Variants in CABLES2 observed in about 807,000 individuals in gnomAD.
The protein encoded by CABLES2 is CDK5 and ABL1 enzyme substrate 2.
Under a neutral mutation model 44.8 loss-of-function variants are expected in CABLES2, and 35 were observed. That is an observed-to-expected ratio of 0.78 (90% CI 0.60 to 1.04). CABLES2 has a LOEUF of 1.04. Ranked by LOEUF, CABLES2 falls within the 50% of genes least tolerant of loss-of-function variation. The probability of loss-of-function intolerance (pLI) is 0.00; values close to 1 mark genes in which losing one functional copy is unlikely to be tolerated. For synonymous variants in CABLES2, 282 were observed against 281.1 expected (o/e 1.00, Z -0.03); for missense variants, 566 against 615.7 (o/e 0.92, Z 0.85).
In CABLES2 at chr20:62,391,148, T is replaced by C; in HGVS notation, c.1297-37A>G. 6.2e-7 allele frequency: 1 copy of C among 1,608,802 alleles called. No individual in the cohort carries two copies. The highest frequency in any genetic ancestry group is 8.5e-7 in the Non-Finnish European group (1 of 1,175,712). Reference sequence around the variant, plus strand: ...AAGAGAGAAGGGTTACACGGGAGCCTTCCCTCTTCCACATTTCCCACCCGG... The same window carrying C: ...AAGAGAGAAGGGTTACACGGGAGCCCTCCCTCTTCCACATTTCCCACCCGG... On this transcript the variant is annotated intron_variant, in intron 9 of 9. Transcript: ENST00000279101. This position sits in a 1 kb window ranked among gnomAD's most constrained non-coding sequence, Gnocchi z 5.7.
intron 1 of CABLES2, among the ~76,000 whole-genome samples, chr20:62,406,144 C>T (rs1247463058): frequency 6.6e-6 from 1 of 151,960 alleles, no homozygotes; most frequent in African/African-American, 2.4e-5. Flanking sequence ...GGGCGGGGCT[C>T]AGCAGGGAAG....
In CABLES2 at chr20:62,391,251, C is replaced by G. The variant is rs767993157; in HGVS notation, c.1294G>C (p.Asp432His). Reference protein sequence around the residue: ...LRKSGVTQLIDKLEERFRFNR... With the variant: ...LRKSGVTQLIHKLEERFRFNR... The stretch of plus-strand genomic sequence containing the variant: ...TGCCTGCCGAGCCGGGCACTCACAT[C>G]GATGAGCTGCGTCACGCCGCTCTTG... Residue 432 changes from aspartate (D) to histidine (H), a missense_variant and splice_region_variant, in exon 9 of 10, where the codon GAT becomes CAT. Physicochemically the swap from Asp to His is moderately conservative, Grantham distance 81 (BLOSUM62 -1). This residue lies in a region of CABLES2 where 436 missense variants were observed against 536.3 expected (regional missense o/e 0.81). Coordinates refer to ENST00000279101, the MANE Select transcript of CABLES2 (RefSeq NM_031215.3). This position sits in a 1 kb window ranked among gnomAD's most constrained non-coding sequence, Gnocchi z 5.7. 4 of 1,606,872 alleles carry G rather than the reference C, an allele frequency of 2.5e-6. No homozygotes were observed.
chr20:62,391,136 TAC>T lies in CABLES2; in HGVS notation c.1297-27_1297-26del. The T allele has an allele frequency of 6.2e-7, 1 of 1,611,548 alleles. No homozygotes were observed. Among genetic ancestry groups the T allele is most frequent in the Non-Finnish European group, 8.5e-7 (1 of 1,177,940 alleles). On this transcript the variant is annotated intron_variant, in intron 9 of 9. Coordinates refer to ENST00000279101, the MANE Select transcript of CABLES2 (RefSeq NM_031215.3). This position sits in a 1 kb window ranked among gnomAD's most constrained non-coding sequence, Gnocchi z 5.7. ...TCTGCAGGGGAGAAGAGAGAAGGGT[TAC>T]ACGGGAGCCTTCCCTCTTCCACATT...
In CABLES2 at chr20:62,391,419, A is replaced by G; in HGVS notation, c.1126T>C (p.Cys376Arg). The stretch of plus-strand genomic sequence containing the variant: ...GCCACCGTCACGGGCTCCAGGCTGC[A>G]CTCCTCCGACAGGCTCCGCATCTCC... ...KREMRSLSEE[C>R]SLEPVTVAMA... Residue 376 changes from cysteine to arginine, a missense_variant, in exon 9 of 10, where the codon TGC becomes CGC. This residue lies in a region of CABLES2 where 436 missense variants were observed against 536.3 expected (regional missense o/e 0.81). Transcript: ENST00000279101. The surrounding 1 kb of genome is among the most constrained non-coding windows in gnomAD (Gnocchi z 5.7). 6.2e-7 allele frequency: 1 copy of G among 1,613,026 alleles called. No homozygotes were observed. Among genetic ancestry groups the G allele is most frequent in the Non-Finnish European group, 8.5e-7 (1 of 1,179,964 alleles).
At chr20:62,398,184 GTGATGGTGA>G (rs1333708806) in intron 1 of CABLES2, among the ~76,000 whole-genome samples, 5 of 74,358 alleles carry the variant, frequency 6.7e-5, no homozygotes, top group Admixed American at 2.4e-4. Flanking sequence ...GGTGGTGGTG[GTGATGGTGA>G]TGATGGTGGT....
In CABLES2 at chr20:62,396,531, G is replaced by A. The variant is rs1210543454; in HGVS notation, c.424C>T (p.Pro142Ser). Residue 142 changes from proline (P) to serine (S), a missense_variant, in exon 2 of 10, where the codon CCA becomes TCA. Physicochemically the swap from Pro to Ser is moderately conservative, Grantham distance 74. Coordinates refer to ENST00000279101, the MANE Select transcript of CABLES2 (RefSeq NM_031215.3). This position sits in a 1 kb window ranked among gnomAD's most constrained non-coding sequence, Gnocchi z 5.7. ...GACGGGGGCGTGTACCTCTGTGCTG[G>A]AGCGCATCCCACGGCATCTTCCAGA... is the stretch of plus-strand genomic sequence containing the variant. ...EFLEDAVGCA[P>S]AQRTKHTSGS... 3 of 1,613,856 alleles carry A rather than the reference G, an allele frequency of 1.9e-6. No homozygotes were observed. The highest frequency in any genetic ancestry group is 2.5e-6 in the Non-Finnish European group (3 of 1,179,964).
chr20:62,397,618 G>A (rs936015052), intron 1 of CABLES2, among the ~76,000 whole-genome samples: 1 of 152,204 alleles, frequency 6.6e-6, no homozygotes, highest in Admixed American at 6.5e-5. Context: ...AACTCCAAGT[G>A]CAGAGCTGGG....
At chr20:62,406,894 C>G (rs1476136002) in intron 1 of CABLES2, 21 bp downstream of exon 1, 3 of 1,197,194 alleles carry the variant, frequency 2.5e-6, no homozygotes, top group Non-Finnish European at 3.1e-6. Flanking sequence ...CCTGGGCTGA[C>G]CTGGCCGGGC....
chr20:62,392,624 G>T, intron 7 of CABLES2, 129 bp from the exon 8 acceptor site: 1 of 713,654 alleles, frequency 1.4e-6, no homozygotes, highest in Non-Finnish European at 2.5e-6. Context: ...GAGAGGCCCC[G>T]AATCTCTGAG....
rs767500636 is a variant in CABLES2, at chr20:62,396,856, T to C, written c.363-264A>G. ...GGGGACAGGCTCCTCAGGCATAGGA[T>C]AGCACAGCACAGCACAGCACGCCAA... On this transcript the variant is annotated intron_variant, in intron 1 of 9. Coordinates refer to ENST00000279101, the MANE Select transcript of CABLES2 (RefSeq NM_031215.3). The surrounding 1 kb of genome is among the most constrained non-coding windows in gnomAD (Gnocchi z 5.7). 2.5e-4 allele frequency among the ~76,000 whole-genome samples: 38 copies of C among 152,026 alleles called. No individual in the cohort carries two copies. Among genetic ancestry groups the C allele is most frequent in the Admixed American group, 5.9e-4 (9 of 15,280 alleles).
Position 62,391,127 on chromosome 20 carries a change from GA to G in CABLES2, c.1297-17del. The G allele has an allele frequency of 1.2e-6, 2 of 1,613,660 alleles. No homozygotes were observed. The highest frequency in any genetic ancestry group is 2.2e-5 in the South Asian group (2 of 91,090). On this transcript the variant is annotated splice_polypyrimidine_tract_variant and intron_variant, in intron 9 of 9. Coordinates refer to ENST00000279101, the MANE Select transcript of CABLES2 (RefSeq NM_031215.3). The surrounding 1 kb of genome is among the most constrained non-coding windows in gnomAD (Gnocchi z 5.7). ...CTTCTAACTTCTGCAGGGGAGAAGA[GA>G]GAAGGGTTACACGGGAGCCTTCCCT...
chr20:62,401,877 A>C (rs1338638597), intron 1 of CABLES2, among the ~76,000 whole-genome samples: 1 of 152,230 alleles, frequency 6.6e-6, no homozygotes, highest in Non-Finnish European at 1.5e-5. Flanking sequence ...TCCTGCGTGC[A>C]CCAGACCCCT....
Position 62,396,063 on chromosome 20 carries a change from T to C in CABLES2, c.527+252A>G, listed in dbSNP as rs1298445380. On this transcript the variant is annotated intron_variant, in intron 3 of 9. Coordinates refer to ENST00000279101, the MANE Select transcript of CABLES2 (RefSeq NM_031215.3). This position sits in a 1 kb window ranked among gnomAD's most constrained non-coding sequence, Gnocchi z 5.7. ...CGTCAGCACTGTTGCTGGAGGCTAG[T>C]GTCCACGTGTGACCCTTCACCTGGG... Among the ~76,000 whole-genome samples, 1 of 152,228 alleles carries C rather than the reference T, an allele frequency of 6.6e-6. No individual in the cohort carries two copies. The highest frequency in any genetic ancestry group is 1.9e-4 in the East Asian group (1 of 5,196).
chr20:62,389,335 G>T lies in CABLES2; in HGVS notation c.*1636C>A, dbSNP rs1444750757. ...GATGGAAGGGGACGCTCCACAATAA[G>T]AAAGAACAAAGGCTTTGGTTTGTCC... On this transcript the variant is annotated 3_prime_UTR_variant, in exon 10 of 10. Coordinates refer to ENST00000279101, the MANE Select transcript of CABLES2 (RefSeq NM_031215.3). The T allele has an allele frequency of 6.6e-6, 1 of 152,238 alleles. No homozygotes were observed. The highest frequency in any genetic ancestry group is 1.5e-5 in the Non-Finnish European group (1 of 68,100). 9.4% of individuals were successfully genotyped at this position (152,238 alleles called of 1,614,324 possible).
Position 62,393,441 on chromosome 20 carries a change from T to C in CABLES2, c.879A>G (p.Leu293=). The C allele has an allele frequency of 1.2e-6, 2 of 1,601,894 alleles. No homozygotes were observed. The highest frequency in any genetic ancestry group is 1.7e-6 in the Non-Finnish European group (2 of 1,173,560). Residue 293 remains leucine, a splice_region_variant and synonymous_variant, in exon 6 of 10, where the codon CTA becomes CTG. Coordinates refer to ENST00000279101, the MANE Select transcript of CABLES2 (RefSeq NM_031215.3). Reference sequence around the variant, plus strand: ...CCGTGGTTAAGGCACGTGGGCTACCTAGTTCTGTGCTGGCTGGTGCCGACT... The same window carrying C: ...CCGTGGTTAAGGCACGTGGGCTACCCAGTTCTGTGCTGGCTGGTGCCGACT... ...PTKSAPASTE[L]GSDVGDTLEY...
At chr20:62,393,709 A>G in intron 5 of CABLES2, 104 bp from the exon 6 acceptor site, 3 of 1,281,884 alleles carry the variant, frequency 2.3e-6, no homozygotes, top group Non-Finnish European at 2.1e-6. Flanking sequence ...GGAGCCCTGC[A>G]TGGAAAATGA....
At chr20:62,405,191 G>A (rs1988258339) in intron 1 of CABLES2, 1 of 152,374 alleles carries the variant, frequency 6.6e-6, no homozygotes, top group African/African-American at 2.4e-5. Flanking sequence ...CTGTTTCCAT[G>A]TCAAACAACA....
intron 1 of CABLES2, among the ~76,000 whole-genome samples, chr20:62,402,074 G>A (rs868651704): frequency 1.3e-5 from 2 of 152,206 alleles, no homozygotes; most frequent in South Asian, 2.1e-4. Context: ...CCACGTGGCA[G>A]TGACCAGCTC....
At chr20:62,394,135 C>T (rs1427476976) in intron 5 of CABLES2, 22 bp downstream of exon 5, 27 of 1,596,326 alleles carry the variant, frequency 1.7e-5, no homozygotes, top group Non-Finnish European at 2.3e-5. Flanking sequence ...CGCTGGGTGT[C>T]CACCAGCGAA....
Sources: gnomAD v4.1 joint callset for allele counts (sites outside exome capture counted in the v4.1 genomes callset) on GRCh38, gnomAD v4.1.1 for gene constraint, gnomAD v4.1.1 regional missense constraint, Gnocchi (gnomAD v3.1) non-coding constraint, MANE v1.5 for transcripts, NCBI Gene and HGNC (gene_info 2026-07-23, HGNC 2026-07-21) for gene names.